METTL15: variants seen among roughly 807,000 people sequenced by gnomAD.
METTL15 encodes methyltransferase 15, mitochondrial 12S rRNA N4-cytidine.
In METTL15, 34 loss-of-function variants were observed where a neutral mutation model predicts 38.3. The ratio of observed to expected loss-of-function variants is 0.89; its 90% confidence interval spans 0.68 to 1.18. The LOEUF is 1.18. Ranked by LOEUF, METTL15 falls within the 50% of genes most tolerant of loss-of-function variation. The pLI, the probability that METTL15 is intolerant of heterozygous loss-of-function variation, is 0.00. For missense variants in METTL15, 438 were observed against 498.4 expected (o/e 0.88, Z 1.15); for synonymous variants, 162 against 170.9 (o/e 0.95, Z 0.41).
intron 3 of METTL15, among the ~76,000 whole-genome samples, chr11:28,340,641 A>G (rs1849943170): frequency 6.6e-6 from 1 of 152,238 alleles, no homozygotes; most frequent in Non-Finnish European, 1.5e-5. Flanking sequence ...CACGCCAGCT[A>G]GAATGGTGAT....
chr11:28,203,735 G>A (rs1852202099), intron 3 of METTL15, among the ~76,000 whole-genome samples: 1 of 151,912 alleles, frequency 6.6e-6, no homozygotes, highest in Admixed American at 6.6e-5. Flanking sequence ...GAAGAACATT[G>A]GGGATAAAAT....
intron 4 of METTL15, among the ~76,000 whole-genome samples, chr11:28,236,983 A>G (rs1854016715): frequency 6.6e-6 from 1 of 151,858 alleles, no homozygotes; most frequent in South Asian, 2.1e-4. Context: ...TGTTAGTCTG[A>G]TGGGTTTCCC....
chr11:28,519,147 T>C (rs1454093676), intron 6 of METTL15: 1 of 152,252 alleles, frequency 6.6e-6, no homozygotes, highest in Non-Finnish European at 1.5e-5. Context: ...CTGAAACTTT[T>C]GTGTGGATGA....
At chr11:28,360,913 G>A (rs924325436) in intron 4 of METTL15, among the ~76,000 whole-genome samples, 1 of 148,922 alleles carries the variant, frequency 6.7e-6, no homozygotes, top group Admixed American at 6.8e-5. Flanking sequence ...GCGGTGTTTG[G>A]TTTTTTGTCC....
chr11:28,170,002 G>T (rs940675157), intron 3 of METTL15, among the ~76,000 whole-genome samples: 1 of 152,148 alleles, frequency 6.6e-6, no homozygotes, highest in Admixed American at 6.6e-5. Flanking sequence ...TCTGGTGTGG[G>T]GGGTAGGATG....
chr11:28,263,716 T>C (rs1855300448), intron 4 of METTL15, among the ~76,000 whole-genome samples: 1 of 152,104 alleles, frequency 6.6e-6, no homozygotes, highest in Non-Finnish European at 1.5e-5. Context: ...TTTTTGAAGG[T>C]GCTCTGTCAG....
At chr11:28,471,245 C>T (rs899604614) in intron 6 of METTL15, among the ~76,000 whole-genome samples, 3 of 152,098 alleles carry the variant, frequency 2.0e-5, no homozygotes, top group African/African-American at 7.2e-5. Flanking sequence ...ACTTCTGACC[C>T]AGCCTCCTAA....
chr11:28,197,559 C>T (rs1292411550), intron 3 of METTL15: 1 of 439,914 alleles, frequency 2.3e-6, no homozygotes, highest in Admixed American at 2.5e-5. Context: ...AGTTAAGTAA[C>T]TTGCCTAACA....
intron 4 of METTL15, among the ~76,000 whole-genome samples, chr11:28,283,486 G>A (rs901329882): frequency 6.6e-5 from 10 of 152,110 alleles, no homozygotes; most frequent in African/African-American, 1.7e-4. Flanking sequence ...ATTGTATGCC[G>A]TTAGAAGAAT....
chr11:28,400,757 G>A (rs1850623236), intron 5 of METTL15, among the ~76,000 whole-genome samples: 2 of 151,874 alleles, frequency 1.3e-5, no homozygotes, highest in South Asian at 4.1e-4. Context: ...GATTGAAAAT[G>A]TTTGCTAAAT....
intron 6 of METTL15, among the ~76,000 whole-genome samples, chr11:28,325,860 T>A (rs1849618410): frequency 6.6e-6 from 1 of 152,022 alleles, no homozygotes; most frequent in Admixed American, 6.6e-5. Flanking sequence ...GTCAAATGAG[T>A]GAGATAAATA....
intron 6 of METTL15, chr11:28,519,070 G>A (rs1056266001): frequency 2.0e-5 from 3 of 152,218 alleles, no homozygotes; most frequent in African/African-American, 4.8e-5. Context: ...AACCACTGTT[G>A]ACTTTTAGAG....
intron 6 of METTL15, among the ~76,000 whole-genome samples, chr11:28,305,892 A>G (rs957571312): frequency 6.6e-6 from 1 of 152,154 alleles, no homozygotes; most frequent in Non-Finnish European, 1.5e-5. Context: ...CCTGGCAACT[A>G]ATAGAAATTC....
intron 4 of METTL15, among the ~76,000 whole-genome samples, chr11:28,284,730 G>A (rs1856185553): frequency 6.6e-6 from 1 of 152,062 alleles, no homozygotes; most frequent in Admixed American, 6.6e-5. Flanking sequence ...CTAGAACAAG[G>A]GGAGCAAGGA....
chr11:28,496,519 G>A (rs1424189474), intron 6 of METTL15, among the ~76,000 whole-genome samples: 1 of 152,210 alleles, frequency 6.6e-6, no homozygotes, highest in African/African-American at 2.4e-5. Flanking sequence ...AAGTTTACAG[G>A]TTTTGCAAGG....
chr11:28,387,105 G>A (rs1850448740), intron 5 of METTL15, among the ~76,000 whole-genome samples: 1 of 151,836 alleles, frequency 6.6e-6, no homozygotes, highest in Non-Finnish European at 1.5e-5. Flanking sequence ...ACGTTAAAAG[G>A]AGAAGGATCT....
intron 5 of METTL15, among the ~76,000 whole-genome samples, chr11:28,393,819 A>C (rs1166172452): frequency 6.6e-6 from 1 of 152,086 alleles, no homozygotes; most frequent in Non-Finnish European, 1.5e-5. Context: ...CCAGAAGATG[A>C]AGACCATTGG....
At chr11:28,209,556 A>G (rs915498337) in intron 3 of METTL15, among the ~76,000 whole-genome samples, 26 of 152,200 alleles carry the variant, frequency 1.7e-4, no homozygotes, top group Middle Eastern at 6.8e-3. Context: ...TCACACTACA[A>G]CATTTGTGTT....
chr11:28,184,116 T>A (rs1380052275), intron 3 of METTL15, among the ~76,000 whole-genome samples: 1 of 152,070 alleles, frequency 6.6e-6, no homozygotes, highest in Admixed American at 6.6e-5. Flanking sequence ...CCTCATATTA[T>A]TTTTTATTGT....
Sources: gnomAD v4.1 joint callset for allele counts (sites outside exome capture counted in the v4.1 genomes callset) on GRCh38, gnomAD v4.1.1 for gene constraint, MANE v1.5 for transcripts, NCBI Gene and HGNC (gene_info 2026-07-23, HGNC 2026-07-21) for gene names.